ELMO1: variants seen among roughly 807,000 people sequenced by gnomAD.
ELMO1 encodes the protein engulfment and cell motility protein 1.
ELMO1 carries 26 observed loss-of-function variants against 98.9 expected under a neutral mutation model. The observed-to-expected ratio is 0.26, with a 90% confidence interval of 0.19 to 0.36. ELMO1 has a LOEUF of 0.36. ELMO1 is among the 10% of genes least tolerant of loss of function. ELMO1 has a pLI of 1.00. For synonymous variants in ELMO1, 346 were observed against 346.0 expected (o/e 1.00, Z 0.00); for missense variants, 627 against 935.2 (o/e 0.67, Z 4.30).
chr7:37,372,903 A>T (rs528618927), intron 1 of ELMO1, among the ~76,000 whole-genome samples: 79 of 152,218 alleles, frequency 5.2e-4, no homozygotes, highest in Non-Finnish European at 9.4e-4. Flanking sequence ...ATGAGATAAC[A>T]TCTCTTCCAG....
At chr7:37,267,053 ACAC>A in intron 5 of ELMO1, among the ~76,000 whole-genome samples, 1 of 138,742 alleles carries the variant, frequency 7.2e-6, no homozygotes, top group African/African-American at 2.9e-5. Context: ...ACACACACAC[ACAC>A]ACACACACAC....
intron 13 of ELMO1, among the ~76,000 whole-genome samples, chr7:37,150,535 G>A (rs1019597895): frequency 3.3e-5 from 5 of 151,986 alleles, no homozygotes; most frequent in African/African-American, 1.2e-4. Flanking sequence ...TATGATGAAT[G>A]AAAAGGGTAG....
intron 14 of ELMO1, among the ~76,000 whole-genome samples, chr7:37,129,588 C>G (rs1288151069): frequency 1.3e-5 from 2 of 152,196 alleles, no homozygotes; most frequent in African/African-American, 4.8e-5. Context: ...CAGAAACCTC[C>G]CTCTTCCTCG....
chr7:37,285,300 C>T (rs781167111), intron 4 of ELMO1, among the ~76,000 whole-genome samples: 2 of 152,232 alleles, frequency 1.3e-5, no homozygotes, highest in Non-Finnish European at 2.9e-5. Context: ...TTCTCTTTTA[C>T]TCACAACTAA....
intron 15 of ELMO1, among the ~76,000 whole-genome samples, chr7:37,024,172 CA>C (rs1794439909): frequency 6.6e-6 from 1 of 152,126 alleles, no homozygotes; most frequent in African/African-American, 2.4e-5. Context: ...GCAAGACGGT[CA>C]CGAGCATGGC....
At chr7:37,024,339 T>C (rs1477570930) in intron 15 of ELMO1, among the ~76,000 whole-genome samples, 1 of 152,054 alleles carries the variant, frequency 6.6e-6, no homozygotes, top group Non-Finnish European at 1.5e-5. Context: ...ATTAGGGAGG[T>C]GAACTTCAAT....
intron 14 of ELMO1, among the ~76,000 whole-genome samples, chr7:37,119,981 A>C (rs1350355261): frequency 6.6e-6 from 1 of 152,232 alleles, no homozygotes; most frequent in Non-Finnish European, 1.5e-5. Context: ...TCTCGATAAA[A>C]CTAGAAAACA....
At chr7:36,869,275 T>C (rs773554173) in intron 20 of ELMO1, among the ~76,000 whole-genome samples, 1 of 152,154 alleles carries the variant, frequency 6.6e-6, no homozygotes, top group Non-Finnish European at 1.5e-5. Flanking sequence ...TGAGGTGAGT[T>C]ATAGAACTTA....
At chr7:36,946,775 T>C (rs1352920406) in intron 16 of ELMO1, among the ~76,000 whole-genome samples, 1 of 152,194 alleles carries the variant, frequency 6.6e-6, no homozygotes, top group Non-Finnish European at 1.5e-5. Flanking sequence ...TCCTGGTCCC[T>C]TCTTCTCTTC....
intron 20 of ELMO1, among the ~76,000 whole-genome samples, chr7:36,865,241 T>A (rs752898337): frequency 3.9e-5 from 6 of 152,228 alleles, no homozygotes; most frequent in Admixed American, 6.5e-5. Context: ...CAGGTCATCA[T>A]GAGGGTAAAA....
At chr7:36,970,181 AC>A (rs1215706636) in intron 16 of ELMO1, among the ~76,000 whole-genome samples, 1 of 22,238 alleles carries the variant, frequency 4.5e-5, no homozygotes, top group Non-Finnish European at 8.7e-5. Context: ...CATACACTTA[AC>A]ACACACACAC....
At chr7:36,891,198 C>G (rs1003007514) in intron 17 of ELMO1, among the ~76,000 whole-genome samples, 2 of 152,164 alleles carry the variant, frequency 1.3e-5, no homozygotes, top group Non-Finnish European at 2.9e-5. Context: ...TGTCTTTTTT[C>G]TCCCTACTAA....
intron 1 of ELMO1, among the ~76,000 whole-genome samples, chr7:37,448,242 A>G (rs1805732092): frequency 6.6e-6 from 1 of 151,942 alleles, no homozygotes; most frequent in East Asian, 2.0e-4. Flanking sequence ...CTTGACTCCA[A>G]GATCCCAGCC....
At chr7:37,226,213 T>C (rs1398036979) in intron 8 of ELMO1, among the ~76,000 whole-genome samples, 1 of 152,202 alleles carries the variant, frequency 6.6e-6, no homozygotes, top group Non-Finnish European at 1.5e-5. Flanking sequence ...AGTGACATTA[T>C]GATTTTACAT....
At chr7:36,912,219 T>C (rs1489573979) in intron 16 of ELMO1, among the ~76,000 whole-genome samples, 1 of 152,192 alleles carries the variant, frequency 6.6e-6, no homozygotes, top group Admixed American at 6.5e-5. Flanking sequence ...TCTGAGATAC[T>C]GCATAGATGT....
chr7:37,120,798 T>C (rs988047316), intron 14 of ELMO1, among the ~76,000 whole-genome samples: 4 of 152,288 alleles, frequency 2.6e-5, no homozygotes, highest in East Asian at 1.9e-4. Context: ...AGCATGCAGC[T>C]TGAGATCTGA....
At chr7:37,076,824 G>T (rs1436653472) in intron 15 of ELMO1, among the ~76,000 whole-genome samples, 4 of 152,220 alleles carry the variant, frequency 2.6e-5, no homozygotes, top group Admixed American at 2.0e-4. Flanking sequence ...TGGCCAGCCA[G>T]GTTCCCAATG....
intron 16 of ELMO1, among the ~76,000 whole-genome samples, chr7:36,995,297 C>CAGGAGATCAAGACCATCCT (rs1440739483): frequency 4.6e-5 from 7 of 152,136 alleles, no homozygotes; most frequent in Non-Finnish European, 8.8e-5. Context: ...ATCATGAGGT[C>CAGGAGATCAAGACCATCCT]AGGAGATCAA....
At chr7:37,230,581 T>G (rs1794117690) in intron 8 of ELMO1, among the ~76,000 whole-genome samples, 1 of 152,194 alleles carries the variant, frequency 6.6e-6, no homozygotes, top group South Asian at 2.1e-4. Flanking sequence ...TGGAAAGGAT[T>G]GCTGTGGGGA....
Sources: allele counts gnomAD v4.1 joint callset (sites outside exome capture counted in the v4.1 genomes callset), GRCh38; gene constraint gnomAD v4.1.1; transcripts MANE v1.5; gene names NCBI Gene and HGNC (gene_info 2026-07-23, HGNC 2026-07-21).